Variants in TBC1D19 observed in about 807,000 individuals in gnomAD.
The protein encoded by TBC1D19 is TBC1 domain family member 19, also known as TBC1 domain family, member 19.
TBC1D19 carries 60 observed loss-of-function variants against 89.0 expected under a neutral mutation model. That is an observed-to-expected ratio of 0.67 (90% CI 0.55 to 0.84). TBC1D19 has a LOEUF of 0.84. Ranked by LOEUF, TBC1D19 falls within the 40% of genes least tolerant of loss-of-function variation. TBC1D19 has a pLI of 0.00. For synonymous variants in TBC1D19, 189 were observed against 199.7 expected (o/e 0.95, Z 0.45); for missense variants, 500 against 610.8 (o/e 0.82, Z 1.91).
chr4:26,747,974 T>C (rs992705448), intron 18 of TBC1D19, among the ~76,000 whole-genome samples: 3 of 152,210 alleles, frequency 2.0e-5, no homozygotes, highest in African/African-American at 7.2e-5. Flanking sequence ...GCCATTTGAC[T>C]GAAATGTAGA....
chr4:26,727,213 T>C (rs938863792), intron 15 of TBC1D19, among the ~76,000 whole-genome samples: 1 of 152,120 alleles, frequency 6.6e-6, no homozygotes, highest in Non-Finnish European at 1.5e-5. Flanking sequence ...AAGGGAAGGA[T>C]TTTGAAAAAC....
chr4:26,813,564 GTTC>G, the TBC1D19 span, among the ~76,000 whole-genome samples: 1 of 152,278 alleles, frequency 6.6e-6, no homozygotes, highest in East Asian at 1.9e-4. Context: ...TATCCATGGT[GTTC>G]TTCTTGGAAT....
intron 15 of TBC1D19, among the ~76,000 whole-genome samples, chr4:26,730,477 T>C (rs1488770493): frequency 6.6e-6 from 1 of 152,202 alleles, no homozygotes; most frequent in Non-Finnish European, 1.5e-5. Context: ...GGCAAGTTTC[T>C]CTCCAACCTT....
In TBC1D19 at chr4:26,755,296, T is replaced by C. The variant is rs1233567697; in HGVS notation, c.*349T>C. 6.6e-6 allele frequency: 1 copy of C among 152,554 alleles called. No individual in the cohort carries two copies. The highest frequency in any genetic ancestry group is 1.5e-5 in the Non-Finnish European group (1 of 68,140). The allele number at this position is 152,554 out of a possible 1,614,324, so 9.5% of individuals were successfully genotyped here. On this transcript the variant is annotated 3_prime_UTR_variant, in exon 21 of 21. Coordinates refer to ENST00000264866, the MANE Select transcript of TBC1D19 (RefSeq NM_018317.4). ...TACTGTAATAAACTTCAAGAGGTAA[T>C]GTAGCTTCTTGGATAATTCTTTTAT...
intron 1 of TBC1D19, among the ~76,000 whole-genome samples, chr4:26,600,776 T>C (rs1021399475): frequency 1.3e-5 from 2 of 152,190 alleles, no homozygotes; most frequent in East Asian, 3.9e-4. Flanking sequence ...GCAGATTGAG[T>C]ATAAGGCATG....
chr4:26,756,397 T>C (rs1719263331), downstream of TBC1D19, among the ~76,000 whole-genome samples: 1 of 152,192 alleles, frequency 6.6e-6, no homozygotes, highest in Admixed American at 6.5e-5. Flanking sequence ...TCTTTGGCTT[T>C]TTTCTTTAGG....
At chr4:26,597,904 C>G (rs1315145083) in intron 1 of TBC1D19, among the ~76,000 whole-genome samples, 1 of 152,076 alleles carries the variant, frequency 6.6e-6, no homozygotes, top group Non-Finnish European at 1.5e-5. Context: ...GGTAGCTACA[C>G]TAGAGTTACA....
chr4:26,847,885 A>ATTGAC, the TBC1D19 span, among the ~76,000 whole-genome samples: 2 of 152,230 alleles, frequency 1.3e-5, no homozygotes, highest in East Asian at 3.8e-4. Context: ...CAGAGCAGTC[A>ATTGAC]TTGACTAAGA....
the TBC1D19 span, among the ~76,000 whole-genome samples, chr4:26,806,698 A>G: frequency 1.3e-5 from 2 of 152,344 alleles, no homozygotes; most frequent in South Asian, 2.1e-4. Flanking sequence ...TGCAGACACA[A>G]TTAGTTAAGG....
chr4:26,654,553 C>T (rs1488177037), intron 7 of TBC1D19, among the ~76,000 whole-genome samples: 2 of 152,164 alleles, frequency 1.3e-5, no homozygotes, highest in Admixed American at 1.3e-4. Context: ...TCCCATATTT[C>T]TTGGAGGCTT....
chr4:26,661,403 C>T (rs1466555579), intron 8 of TBC1D19, among the ~76,000 whole-genome samples: 1 of 152,072 alleles, frequency 6.6e-6, no homozygotes, highest in Non-Finnish European at 1.5e-5. Context: ...GGAACCCTTA[C>T]AAAAAAGAGG....
At chr4:26,797,032 A>G in the TBC1D19 span, among the ~76,000 whole-genome samples, 2 of 152,210 alleles carry the variant, frequency 1.3e-5, no homozygotes, top group Non-Finnish European at 2.9e-5. Context: ...GAAGTCATAG[A>G]GCAATCAGGC....
At chr4:26,656,398 T>C (rs1744809276) in intron 7 of TBC1D19, among the ~76,000 whole-genome samples, 1 of 152,064 alleles carries the variant, frequency 6.6e-6, no homozygotes, top group Non-Finnish European at 1.5e-5. Flanking sequence ...TAATGAGTTA[T>C]TTGTTTCATA....
intron 11 of TBC1D19, among the ~76,000 whole-genome samples, chr4:26,681,990 T>C (rs1169492925): frequency 6.6e-6 from 1 of 152,132 alleles, no homozygotes. Flanking sequence ...ATACAAATAA[T>C]ATTAATTATT....
intron 13 of TBC1D19, among the ~76,000 whole-genome samples, chr4:26,700,243 ACATCCAAGAAACT>A (rs1252773075): frequency 1.3e-5 from 2 of 152,106 alleles, no homozygotes; most frequent in South Asian, 2.1e-4. Flanking sequence ...ATTAATCTAC[ACATCCAAGAAACT>A]CATCCAAGAA....
intron 4 of TBC1D19, among the ~76,000 whole-genome samples, chr4:26,634,352 A>C (rs1163554873): frequency 6.6e-6 from 1 of 152,118 alleles, no homozygotes; most frequent in Non-Finnish European, 1.5e-5. Flanking sequence ...TATTGTGCTC[A>C]ACACAATAAA....
At chr4:26,672,626 C>T (rs895019647) in intron 10 of TBC1D19, among the ~76,000 whole-genome samples, 2 of 151,958 alleles carry the variant, frequency 1.3e-5, no homozygotes, top group East Asian at 3.9e-4. Context: ...GGCTTAATAA[C>T]CAAAGTGGCT....
chr4:26,683,013 A>G (rs563911142), intron 11 of TBC1D19, among the ~76,000 whole-genome samples: 1 of 152,136 alleles, frequency 6.6e-6, no homozygotes, highest in East Asian at 1.9e-4. Context: ...TGGCTCAATC[A>G]TAACTCACTG....
intron 15 of TBC1D19, among the ~76,000 whole-genome samples, chr4:26,724,034 C>A (rs1023973887): frequency 1.3e-5 from 2 of 152,162 alleles, no homozygotes; most frequent in Non-Finnish European, 2.9e-5. Flanking sequence ...TGAACAGAGA[C>A]AGACTATATG....
Sources: gnomAD v4.1 joint callset for allele counts (sites outside exome capture counted in the v4.1 genomes callset) on GRCh38, gnomAD v4.1.1 for gene constraint, MANE v1.5 for transcripts, NCBI Gene and HGNC (gene_info 2026-07-23, HGNC 2026-07-21) for gene names.